Variants in GALNT18 observed in about 807,000 individuals in gnomAD.
GALNT18 encodes polypeptide N-acetylgalactosaminyltransferase 18, also known as GalNAc-transferase 18.
Under a neutral mutation model 69.5 loss-of-function variants are expected in GALNT18, and 44 were observed. The observed-to-expected ratio is 0.63, with a 90% CI of 0.50 to 0.81. GALNT18 has a LOEUF of 0.81. Among genes scored for constraint, GALNT18 ranks in the 40% least tolerant of loss-of-function variants. The probability of loss-of-function intolerance (pLI) is 0.00; values close to 1 mark genes in which losing one functional copy is unlikely to be tolerated. For synonymous variants in GALNT18, 364 were observed against 318.2 expected (o/e 1.14, Z -1.53); for missense variants, 715 against 810.0 (o/e 0.88, Z 1.42).
At chr11:11,589,893 G>A (rs1859314425) in intron 1 of GALNT18, among the ~76,000 whole-genome samples, 1 of 152,124 alleles carries the variant, frequency 6.6e-6, no homozygotes, top group Non-Finnish European at 1.5e-5. Flanking sequence ...GTCCACATAG[G>A]CAATCACAAC....
At position 11,271,305 on chromosome 11, in the gene GALNT18, A is replaced by G; in HGVS notation, c.1678-15T>C. On this transcript the variant is annotated splice_polypyrimidine_tract_variant and intron_variant, in intron 10 of 10. Transcript: ENST00000227756. ...ATGGGTCCTCCCTAGGGGCCAGGGCAGACAGTGGGGTCAGAGGGCATAGAG... is the reference window on the plus strand; with the variant it reads ...ATGGGTCCTCCCTAGGGGCCAGGGCGGACAGTGGGGTCAGAGGGCATAGAG... 1 of 1,611,638 alleles carries G rather than the reference A, an allele frequency of 6.2e-7. No homozygotes were observed. The highest frequency in any genetic ancestry group is 1.1e-5 in the South Asian group (1 of 91,020).
chr11:11,568,221 T>A (rs1858700281), intron 1 of GALNT18, among the ~76,000 whole-genome samples: 1 of 152,240 alleles, frequency 6.6e-6, no homozygotes, highest in Admixed American at 6.5e-5. Flanking sequence ...AAAGAAACTG[T>A]TGCTTTGTAA....
rs895618520 is a variant in GALNT18 at position 11,339,753 on chromosome 11, C to T, written c.1278+1066G>A. Reference sequence around the variant, plus strand: ...CTCACTGATTGTGGGAGTATGCAACCCAACTCAAGTTCCCCTCTCCTACGG... The same window carrying T: ...CTCACTGATTGTGGGAGTATGCAACTCAACTCAAGTTCCCCTCTCCTACGG... On this transcript the variant is annotated intron_variant, in intron 7 of 10. Coordinates refer to ENST00000227756, the MANE Select transcript of GALNT18 (RefSeq NM_198516.3). The surrounding 1 kb of genome is among the most constrained non-coding windows in gnomAD (Gnocchi z 5.2). Among the ~76,000 whole-genome samples, 1 of 152,160 alleles carries T rather than the reference C, an allele frequency of 6.6e-6. No homozygotes were observed. Among genetic ancestry groups the T allele is most frequent in the African/African-American group, 2.4e-5 (1 of 41,434 alleles).
chr11:11,278,824 G>A (rs1015465120), intron 10 of GALNT18, among the ~76,000 whole-genome samples: 1 of 152,094 alleles, frequency 6.6e-6, no homozygotes, highest in Non-Finnish European at 1.5e-5. Flanking sequence ...ATAATTTATT[G>A]TATACTTTAA....
At chr11:11,286,808 G>A (rs534495978) in intron 10 of GALNT18, among the ~76,000 whole-genome samples, 1 of 152,254 alleles carries the variant, frequency 6.6e-6, no homozygotes, top group Non-Finnish European at 1.5e-5. Flanking sequence ...CATAAAGTGT[G>A]ATTAAGAGTG....
chr11:11,281,461 A>T (rs1437456394), intron 10 of GALNT18, among the ~76,000 whole-genome samples: 1 of 152,148 alleles, frequency 6.6e-6, no homozygotes, highest in African/African-American at 2.4e-5. Context: ...GCCGCTGCCC[A>T]CTCAGCTGAA....
chr11:11,379,127 G>A lies in GALNT18; in HGVS notation c.733C>T (p.Pro245Ser), dbSNP rs771444138. The A allele has an allele frequency of 6.2e-7, 1 of 1,610,800 alleles. No homozygotes were observed. The highest frequency in any genetic ancestry group is 1.1e-5 in the South Asian group (1 of 90,946). ...TGGGCATCAAAGAGTGCCACCACAG[G>A]GGCAGTGGCCGCCCTCCAGCCACTG... The part of the protein sequence containing the change: ...RVSGWRAATA[P>S]VVALFDAHVE... Residue 245 changes from proline to serine, a missense_variant, in exon 4 of 11, where the codon CCT becomes TCT. Transcript: ENST00000227756.
At chr11:11,403,856 G>A (rs1281372386) in intron 3 of GALNT18, among the ~76,000 whole-genome samples, 1 of 152,244 alleles carries the variant, frequency 6.6e-6, no homozygotes, top group Non-Finnish European at 1.5e-5. Flanking sequence ...TGCTGCAGAA[G>A]AGGGTGAGGT....
chr11:11,519,950 C>T (rs923073867), intron 1 of GALNT18, among the ~76,000 whole-genome samples: 2 of 152,148 alleles, frequency 1.3e-5, no homozygotes, highest in Non-Finnish European at 2.9e-5. Context: ...GTCCAAGGAG[C>T]GACACTGGAT....
chr11:11,296,878 A>G lies in GALNT18; in HGVS notation c.1513-3685T>C, dbSNP rs1849411496. On this transcript the variant is annotated intron_variant, in intron 9 of 10. Coordinates refer to ENST00000227756, the MANE Select transcript of GALNT18 (RefSeq NM_198516.3). ...TCTCAAGTCCTCACATGGACATCTC[A>G]GAAGCCCAGCCTAGCGGATTAAATA... Among the ~76,000 whole-genome samples the G allele has an allele frequency of 2.6e-5, 4 of 152,360 alleles. No homozygotes were observed. The South Asian group carries it at 8.3e-4, about 32-fold the overall frequency.
At position 11,356,835 on chromosome 11, in the gene GALNT18, G is replaced by A. The variant is rs754424132; in HGVS notation, c.1092+15680C>T. Among the ~76,000 whole-genome samples, 1 of 152,160 alleles carries A rather than the reference G, an allele frequency of 6.6e-6. No homozygotes were observed. The highest frequency in any genetic ancestry group is 1.5e-5 in the Non-Finnish European group (1 of 68,042). On this transcript the variant is annotated intron_variant, in intron 6 of 10. Transcript: ENST00000227756. This position sits in a 1 kb window ranked among gnomAD's most constrained non-coding sequence, Gnocchi z 4.4. ...CATTTCTAGCTAATCACTTCATTAT[G>A]TACTTTTTAAATTGCTTTGTTCTGT...
intron 10 of GALNT18, among the ~76,000 whole-genome samples, chr11:11,284,920 T>TTTTG (rs1192358633): frequency 9.5e-5 from 14 of 147,520 alleles, no homozygotes; most frequent in Admixed American, 7.4e-4. Flanking sequence ...TTTTTTTTTT[T>TTTTG]TTTTTTTTTT....
In GALNT18 at chr11:11,461,859, G is replaced by C. The variant is rs1021747728; in HGVS notation, c.236-12923C>G. Among the ~76,000 whole-genome samples, 1 of 152,226 alleles carries C rather than the reference G, an allele frequency of 6.6e-6. No homozygotes were observed. The highest frequency in any genetic ancestry group is 2.4e-5 in the African/African-American group (1 of 41,460). On this transcript the variant is annotated intron_variant, in intron 1 of 10. Coordinates refer to ENST00000227756, the MANE Select transcript of GALNT18 (RefSeq NM_198516.3). The surrounding 1 kb of genome is among the most constrained non-coding windows in gnomAD (Gnocchi z 4.1). ...CTCCTTTCAAGGCTCTGCTACAAGA[G>C]TCCTTGCTTTGGGAAACCTGCAGCC...
intron 6 of GALNT18, among the ~76,000 whole-genome samples, chr11:11,362,379 C>T (rs1264854577): frequency 6.6e-6 from 1 of 151,926 alleles, no homozygotes; most frequent in African/African-American, 2.4e-5. Context: ...AACAAACAAA[C>T]AAACACGAGA....
Position 11,461,880 on chromosome 11 carries a change from C to A in GALNT18, c.236-12944G>T, listed in dbSNP as rs1223651012. ...AAGAGTCCTTGCTTTGGGAAACCTG[C>A]AGCCTGAATGAAGCTGCAAAAATCA... On this transcript the variant is annotated intron_variant, in intron 1 of 10. Coordinates refer to ENST00000227756, the MANE Select transcript of GALNT18 (RefSeq NM_198516.3). This position sits in a 1 kb window ranked among gnomAD's most constrained non-coding sequence, Gnocchi z 4.1. Among the ~76,000 whole-genome samples the A allele has an allele frequency of 6.6e-6, 1 of 152,236 alleles. No individual in the cohort carries two copies. Among genetic ancestry groups the A allele is most frequent in the Non-Finnish European group, 1.5e-5 (1 of 68,044 alleles).
At chr11:11,615,199 G>C (rs894549355) in intron 1 of GALNT18, among the ~76,000 whole-genome samples, 6 of 152,218 alleles carry the variant, frequency 3.9e-5, no homozygotes, top group African/African-American at 7.2e-5. Context: ...TCAAAGCTCA[G>C]ATGAGAAGAA....
At chr11:11,294,621 A>AAC (rs1554911806) in intron 9 of GALNT18, among the ~76,000 whole-genome samples, 4 of 152,076 alleles carry the variant, frequency 2.6e-5, no homozygotes, top group African/African-American at 9.7e-5. Flanking sequence ...AAAAAAAAAA[A>AAC]AAAACATAAA....
rs563973696 is a variant in GALNT18, at chr11:11,454,507, C to CCTCTCT, written c.236-5577_236-5572dup. ...AGAAGGAGGCTGTGTCTTCTTCTTG[C>CCTCTCT]CTCTCTCTCTCTCTCTCTTTCAAAT... On this transcript the variant is annotated intron_variant, in intron 1 of 10. Coordinates refer to ENST00000227756, the MANE Select transcript of GALNT18 (RefSeq NM_198516.3). This position sits in a 1 kb window ranked among gnomAD's most constrained non-coding sequence, Gnocchi z 4.2. Among the ~76,000 whole-genome samples, 1 of 150,208 alleles carries CCTCTCT rather than the reference C, an allele frequency of 6.7e-6. No individual in the cohort carries two copies. The highest frequency in any genetic ancestry group is 1.5e-5 in the Non-Finnish European group (1 of 67,468).
chr11:11,515,333 G>A (rs7127883), intron 1 of GALNT18, among the ~76,000 whole-genome samples: 3,922 of 128,852 alleles, frequency 0.03, 124 homozygotes, highest in African/African-American at 0.081. Flanking sequence ...TAATACTCCT[G>A]TTTTACAAAA....
Sources: gnomAD v4.1 joint callset for allele counts (sites outside exome capture counted in the v4.1 genomes callset) on GRCh38, gnomAD v4.1.1 for gene constraint, Gnocchi (gnomAD v3.1) non-coding constraint, MANE v1.5 for transcripts, NCBI Gene and HGNC (gene_info 2026-07-23, HGNC 2026-07-21) for gene names.